TMEM255B: variants seen among roughly 807,000 people sequenced by gnomAD.
The protein encoded by TMEM255B is transmembrane protein 255B, also known as family with sequence similarity 70, member B.
In TMEM255B, 35 loss-of-function variants were observed where a neutral mutation model predicts 34.5. That is an observed-to-expected ratio of 1.01 (90% CI 0.77 to 1.34). The LOEUF (loss-of-function observed/expected upper bound fraction) is 1.34. TMEM255B is among the 40% of genes most tolerant of loss of function. The pLI is 0.00. For synonymous variants in TMEM255B, 206 were observed against 201.2 expected (o/e 1.02, Z -0.20); for missense variants, 432 against 433.2 (o/e 1.00, Z 0.02).
At position 113,793,639 on chromosome 13, in the gene TMEM255B, C is replaced by T. The variant is rs192738787; in HGVS notation, c.253-1509C>T. Among the ~76,000 whole-genome samples, 562 of 152,342 alleles carry T rather than the reference C, an allele frequency of 3.7e-3. 2 individuals are homozygous for T. The highest frequency in any genetic ancestry group is 0.011 in the African/African-American group (466 of 41,582). On this transcript the variant is annotated intron_variant, in intron 3 of 8. Transcript: ENST00000375353. Reference sequence around the variant, plus strand: ...ACTCACATTTAATGCAAGGTGGCATCGGTGACTGCCAAGCGTGGGCTCACC... The same window carrying T: ...ACTCACATTTAATGCAAGGTGGCATTGGTGACTGCCAAGCGTGGGCTCACC...
In TMEM255B at chr13:113,806,599, C is replaced by A. The variant is rs1339212021; in HGVS notation, c.813+1571C>A. Among the ~76,000 whole-genome samples the A allele has an allele frequency of 1.3e-5, 2 of 152,194 alleles. No individual in the cohort carries two copies. The highest frequency in any genetic ancestry group is 4.8e-5 in the African/African-American group (2 of 41,452). ...GGTCCCCAGGGTCAGATGGCGGGAGCTTTTGCCAGCGACCCTGCAGTGGTC... is the reference window on the plus strand; with the variant it reads ...GGTCCCCAGGGTCAGATGGCGGGAGATTTTGCCAGCGACCCTGCAGTGGTC... On this transcript the variant is annotated intron_variant, in intron 8 of 8. Coordinates refer to ENST00000375353, the MANE Select transcript of TMEM255B (RefSeq NM_182614.4). This position sits in a 1 kb window ranked among gnomAD's most constrained non-coding sequence, Gnocchi z 4.2.
In TMEM255B at chr13:113,816,377, G is replaced by T; in HGVS notation, c.*4474G>T. Reference sequence around the variant, plus strand: ...ATGGCAGTGATGGGTGGACGGCCCCGTGGATGGACTGACCACCGACCCATG... The same window carrying T: ...ATGGCAGTGATGGGTGGACGGCCCCTTGGATGGACTGACCACCGACCCATG... On this transcript the variant is annotated 3_prime_UTR_variant, in exon 9 of 9. Coordinates refer to ENST00000375353, the MANE Select transcript of TMEM255B (RefSeq NM_182614.4). The T allele has an allele frequency of 6.2e-6, 1 of 160,638 alleles. No homozygotes were observed. Among genetic ancestry groups the T allele is most frequent in the Non-Finnish European group, 1.4e-5 (1 of 72,590 alleles). The allele number at this position is 160,638 out of a possible 1,614,324, so 10.0% of individuals were successfully genotyped here. A position where few individuals can be genotyped will look rare whatever the true frequency, so the allele number is the denominator to read the frequency against.
At chr13:113,795,780 C>CCAA (rs1386308775) in intron 4 of TMEM255B, among the ~76,000 whole-genome samples, 15 of 127,060 alleles carry the variant, frequency 1.2e-4, no homozygotes, top group African/African-American at 4.3e-4. Context: ...AGCACACACA[C>CCAA]AACAGAGCAC....
intron 7 of TMEM255B, among the ~76,000 whole-genome samples, chr13:113,803,512 G>T (rs1566329412): frequency 6.7e-6 from 1 of 148,158 alleles, no homozygotes; most frequent in African/African-American, 2.5e-5. Flanking sequence ...CCTCTCAGGG[G>T]CCTCCTCCGC....
rs2050457458 is a variant in TMEM255B, at chr13:113,770,314, A to G, written c.252+1154A>G. Among the ~76,000 whole-genome samples the G allele has an allele frequency of 6.6e-6, 1 of 152,148 alleles. No homozygotes were observed. Among genetic ancestry groups the G allele is most frequent in the Non-Finnish European group, 1.5e-5 (1 of 68,022 alleles). On this transcript the variant is annotated intron_variant, in intron 3 of 8. Transcript: ENST00000375353. This position sits in a 1 kb window ranked among gnomAD's most constrained non-coding sequence, Gnocchi z 4.6. ...TCACTATCATGAGAACAGCACAGGAAAGATCTGCCCCCCATGATTCAACTG... is the reference window on the plus strand; with the variant it reads ...TCACTATCATGAGAACAGCACAGGAGAGATCTGCCCCCCATGATTCAACTG...
intron 3 of TMEM255B, among the ~76,000 whole-genome samples, chr13:113,775,179 A>G (rs2050555612): frequency 6.6e-6 from 1 of 151,236 alleles, no homozygotes; most frequent in African/African-American, 2.4e-5. Flanking sequence ...CACCACATAC[A>G]CTACACAAAC....
intron 1 of TMEM255B, among the ~76,000 whole-genome samples, chr13:113,763,362 G>A (rs976607918): frequency 7.2e-4 from 110 of 152,124 alleles, no homozygotes; most frequent in African/African-American, 2.6e-3. Context: ...CAACCAGAAC[G>A]GAGTTTCACC....
intron 3 of TMEM255B, among the ~76,000 whole-genome samples, chr13:113,794,856 C>T (rs1055375321): frequency 1.3e-5 from 2 of 152,240 alleles, no homozygotes; most frequent in South Asian, 2.1e-4. Context: ...GTTGGGCACA[C>T]GCCCTGCCGT....
chr13:113,795,111 TA>T (rs779767837), intron 3 of TMEM255B, 36 bp from the exon 4 acceptor site: 1 of 1,607,100 alleles, frequency 6.2e-7, no homozygotes, highest in African/African-American at 1.3e-5. Flanking sequence ...CCGGGGTTGG[TA>T]AAAGCTGGGC....
chr13:113,788,873 G>GGCCGC (rs1350413477), intron 3 of TMEM255B, among the ~76,000 whole-genome samples: 19 of 151,738 alleles, frequency 1.3e-4, no homozygotes, highest in Non-Finnish European at 2.1e-4. Context: ...TGCACCCGGG[G>GGCCGC]GCCGCGCCGC....
Position 113,769,158 on chromosome 13 carries a change from A to G in TMEM255B, c.250A>G (p.Met84Val). The G allele has an allele frequency of 1.2e-6, 2 of 1,614,096 alleles. No individual in the cohort carries two copies. The highest frequency in any genetic ancestry group is 8.5e-7 in the Non-Finnish European group (1 of 1,179,970). The change falls in exon 3 of 9, where the codon ATG becomes GTG. Residue 84 changes from methionine to valine, a missense_variant and splice_region_variant. Coordinates refer to ENST00000375353, the MANE Select transcript of TMEM255B (RefSeq NM_182614.4). This position sits in a 1 kb window ranked among gnomAD's most constrained non-coding sequence, Gnocchi z 4.2. ...CAACTTGGTGGAGAATAGAAGGCAAATGGTAAGAAAGTACATGGGGTGGTG... is the reference window on the plus strand; with the variant it reads ...CAACTTGGTGGAGAATAGAAGGCAAGTGGTAAGAAAGTACATGGGGTGGTG... ...GINLVENRRQ[M>V]LVAAIVFISF... is the part of the protein sequence containing the mutation.
chr13:113,760,985 T>C (rs1475162495), intron 1 of TMEM255B, among the ~76,000 whole-genome samples: 1 of 151,984 alleles, frequency 6.6e-6, no homozygotes, highest in African/African-American at 2.4e-5. Flanking sequence ...GGGTGGACCA[T>C]AGTCTTTCTG....
chr13:113,799,601 T>C (rs1289934217), intron 5 of TMEM255B, 182 bp downstream of exon 5: 3 of 641,884 alleles, frequency 4.7e-6, no homozygotes, highest in Non-Finnish European at 8.5e-6. Flanking sequence ...TTCGATGTGC[T>C]GTATTTCACT....
Position 113,804,975 on chromosome 13 carries a change from CGCCTGACGCCCGAGCCCGTCCCGA to C in TMEM255B, c.761_784del (p.Arg254_Thr262delinsPro), listed in dbSNP as rs759913357. The C allele has an allele frequency of 5.0e-6, 8 of 1,606,602 alleles. No homozygotes were observed. ...GCAGATCCTGGCCTACGCAGGCTTC[CGCCTGACGCCCGAGCCCGTCCCGA>C]CCTGCTCGTCCTACCCTCTGCCCCT... On this transcript the variant is annotated inframe_deletion, in exon 8 of 9. Coordinates refer to ENST00000375353, the MANE Select transcript of TMEM255B (RefSeq NM_182614.4).
chr13:113,811,323 G>A (rs1209219690), intron 8 of TMEM255B, among the ~76,000 whole-genome samples: 66 of 133,440 alleles, frequency 4.9e-4, no homozygotes, highest in African/African-American at 1.8e-3. Flanking sequence ...GGGGGGGCCG[G>A]TGAGAGTGGT....
At chr13:113,779,633 G>A (rs1174963412) in intron 3 of TMEM255B, among the ~76,000 whole-genome samples, 1 of 152,168 alleles carries the variant, frequency 6.6e-6, no homozygotes, top group African/African-American at 2.4e-5. Context: ...CTGTTTGGGG[G>A]CGTAGAGGGA....
In TMEM255B at chr13:113,816,445, C is replaced by A. The variant is rs72670693; in HGVS notation, c.*4542C>A. ...GTGGCTATTGCTGTGTGAATCACAT[C>A]TCCATGGAAACGGGAGTGGGAGAAA... On this transcript the variant is annotated 3_prime_UTR_variant, in exon 9 of 9. Coordinates refer to ENST00000375353, the MANE Select transcript of TMEM255B (RefSeq NM_182614.4). 0.033 allele frequency: 5,107 copies of A among 154,302 alleles called. 136 individuals carry two copies. The highest frequency in any genetic ancestry group is 0.077 in the Middle Eastern group (23 of 300). 9.6% of individuals were successfully genotyped at this position (154,302 alleles called of 1,614,324 possible).
At chr13:113,779,640 G>T (rs1448581729) in intron 3 of TMEM255B, among the ~76,000 whole-genome samples, 1 of 152,180 alleles carries the variant, frequency 6.6e-6, no homozygotes, top group East Asian at 1.9e-4. Flanking sequence ...GGGGCGTAGA[G>T]GGAGCGTCTG....
At chr13:113,802,405 C>T (rs945406049) in intron 7 of TMEM255B, among the ~76,000 whole-genome samples, 6 of 152,170 alleles carry the variant, frequency 3.9e-5, no homozygotes, top group Non-Finnish European at 5.9e-5. Flanking sequence ...TCGTGGTGTG[C>T]GGCCAGCAAA....
Sources: allele counts gnomAD v4.1 joint callset (sites outside exome capture counted in the v4.1 genomes callset), GRCh38; gene constraint gnomAD v4.1.1; non-coding constraint Gnocchi (gnomAD v3.1); transcripts MANE v1.5; gene names NCBI Gene and HGNC (gene_info 2026-07-23, HGNC 2026-07-21).